Variants in MEGF10 observed in about 807,000 individuals in gnomAD.
The protein encoded by MEGF10 is multiple epidermal growth factor-like domains protein 10.
MEGF10 carries 86 observed loss-of-function variants against 147.5 expected under a neutral mutation model. The observed-to-expected ratio is 0.58, with a 90% CI of 0.49 to 0.70. The LOEUF (loss-of-function observed/expected upper bound fraction) is 0.70. Among genes scored for constraint, MEGF10 ranks in the 30% least tolerant of loss-of-function variants. MEGF10 has a pLI of 0.00. For synonymous variants in MEGF10, 478 were observed against 525.5 expected, an observed-to-expected ratio of 0.91 and a Z score of 1.24; for missense variants, 1,329 against 1,487.3, an observed-to-expected ratio of 0.89 and a Z score of 1.75.
rs149815630 is a variant in MEGF10, at chr5:127,346,299, G to A, written c.319+5669G>A. 1.9e-3 allele frequency among the ~76,000 whole-genome samples: 289 copies of A among 152,210 alleles called. 2 individuals are homozygous for A. Among genetic ancestry groups the A allele is most frequent in the African/African-American group, 6.6e-3 (274 of 41,552 alleles). ...AATCTCCACACCGTTTTCCATAGTGGTTGTACTAGTTTATGTTCCCACCAA... is the reference window on the plus strand; with the variant it reads ...AATCTCCACACCGTTTTCCATAGTGATTGTACTAGTTTATGTTCCCACCAA... On this transcript the variant is annotated intron_variant, in intron 4 of 24. Transcript: ENST00000503335.
chr5:127,396,048 G>A (rs1009276806), intron 5 of MEGF10, among the ~76,000 whole-genome samples: 2 of 152,058 alleles, frequency 1.3e-5, no homozygotes, highest in African/African-American at 2.4e-5. Context: ...TTCCACACAC[G>A]TAGGAGGAGG....
At chr5:127,351,941 G>T (rs1029583949) in intron 4 of MEGF10, among the ~76,000 whole-genome samples, 2 of 152,162 alleles carry the variant, frequency 1.3e-5, no homozygotes, top group African/African-American at 4.8e-5. Context: ...GACGGAATAG[G>T]TGGGAGAAAG....
At chr5:127,413,605 T>A (rs1764650821) in intron 9 of MEGF10, among the ~76,000 whole-genome samples, 1 of 152,194 alleles carries the variant, frequency 6.6e-6, no homozygotes, top group Admixed American at 6.5e-5. Flanking sequence ...ATGTGTATAA[T>A]CCTATTTTCA....
chr5:127,331,513 T>G, intron 2 of MEGF10, 89 bp downstream of exon 2: 1 of 750,620 alleles, frequency 1.3e-6, no homozygotes, highest in Non-Finnish European at 2.2e-6. Flanking sequence ...AAATTAGAAT[T>G]TGTGAAGAGA....
Position 127,457,981 on chromosome 5 carries a change from A to C in MEGF10, c.*663A>C, listed in dbSNP as rs1328954894. 2 of 152,276 alleles carry C rather than the reference A, an allele frequency of 1.3e-5. No individual in the cohort carries two copies. The highest frequency in any genetic ancestry group is 3.8e-4 in the East Asian group (2 of 5,200). 9.4% of individuals were successfully genotyped at this position (152,276 alleles called of 1,614,324 possible). On this transcript the variant is annotated 3_prime_UTR_variant, in exon 25 of 25. Coordinates refer to ENST00000503335, the MANE Select transcript of MEGF10 (RefSeq NM_001256545.2). ...CAATTAGAATTATTTTAGAAATAGT[A>C]GGAAGTATTGCAGAAGTCAATACAC...
chr5:127,370,121 T>A lies in MEGF10; in HGVS notation c.412+119T>A, dbSNP rs1483108573. 3 of 625,698 alleles carry A rather than the reference T, an allele frequency of 4.8e-6. No individual in the cohort carries two copies. The African/African-American group carries it at 5.5e-5, about 12-fold the overall frequency. The allele number at this position is 625,698 out of a possible 1,614,324, so 38.8% of individuals were successfully genotyped here. ...ATCCCTACACAGAGCATAGTGTAAA[T>A]GCCACGACCAACTCAGTCATACAGT... On this transcript the variant is annotated intron_variant, in intron 5 of 24. Transcript: ENST00000503335.
rs550293149 is a variant in MEGF10 at position 127,351,703 on chromosome 5, G to A, written c.319+11073G>A. On this transcript the variant is annotated intron_variant, in intron 4 of 24. Transcript: ENST00000503335. ...CACCATCTCTTTGTCACATGCTCTC[G>A]CCAAGCTACAAGGGCATCTTTATTC... Among the ~76,000 whole-genome samples the A allele has an allele frequency of 6.6e-5, 10 of 152,232 alleles. No homozygotes were observed. The East Asian group carries it at 7.7e-4, about 12-fold the overall frequency.
chr5:127,312,524 T>G (rs1432838947), intron 1 of MEGF10, among the ~76,000 whole-genome samples: 1 of 152,212 alleles, frequency 6.6e-6, no homozygotes, highest in Admixed American at 6.5e-5. Context: ...GAGTTTTGAA[T>G]TGGGCATACT....
At chr5:127,445,786 T>C (rs948196305) in intron 20 of MEGF10, 93 bp downstream of exon 20, 3 of 884,140 alleles carry the variant, frequency 3.4e-6, no homozygotes, top group Admixed American at 1.8e-5. Flanking sequence ...TGCTGTCCAT[T>C]GTTTCTGTCA....
At chr5:127,286,390 T>C (rs1008484854), upstream of MEGF10, among the ~76,000 whole-genome samples, 4 of 152,080 alleles carry the variant, frequency 2.6e-5, no homozygotes, top group Non-Finnish European at 5.9e-5. Flanking sequence ...ACATACTCTA[T>C]GCATGTAACA....
At position 127,449,176 on chromosome 5, in the gene MEGF10, G is replaced by A. The variant is rs764974065; in HGVS notation, c.2934G>A (p.Gly978=). The A allele has an allele frequency of 1.2e-6, 2 of 1,614,078 alleles. No individual in the cohort carries two copies. Among genetic ancestry groups the A allele is most frequent in the South Asian group, 1.1e-5 (1 of 91,062 alleles). Residue 978 remains glycine (G), a synonymous_variant, in exon 22 of 25, where the codon GGG becomes GGA. Transcript: ENST00000503335. ...GAGGCCCTGTGGGGGACTGCACTGG[G>A]ACATTGCCGGCTGACTGGAAACATG... ...GKRGPVGDCT[G]TLPADWKHGG... is the part of the protein sequence containing the mutation.
At chr5:127,342,968 C>T (rs1325717809) in intron 4 of MEGF10, among the ~76,000 whole-genome samples, 1 of 151,878 alleles carries the variant, frequency 6.6e-6, no homozygotes, top group South Asian at 2.1e-4. Flanking sequence ...TCATTGCTTC[C>T]CCACACCCCC....
chr5:127,413,199 T>C (rs1764637749), intron 9 of MEGF10, among the ~76,000 whole-genome samples: 1 of 152,218 alleles, frequency 6.6e-6, no homozygotes, highest in African/African-American at 2.4e-5. Flanking sequence ...TATTTCAAAC[T>C]TTAGCAGTAT....
intron 4 of MEGF10, among the ~76,000 whole-genome samples, chr5:127,347,652 T>A (rs1005332342): frequency 1.3e-5 from 2 of 152,082 alleles, no homozygotes; most frequent in Non-Finnish European, 2.9e-5. Context: ...AATATGGACA[T>A]CCTAAGTGGA....
chr5:127,262,455 G>A, the MEGF10 span, among the ~76,000 whole-genome samples: 6 of 152,110 alleles, frequency 3.9e-5, no homozygotes, highest in East Asian at 7.7e-4. Context: ...TAGCCCCTGT[G>A]ATATAAGAGA....
At chr5:127,422,828 G>T (rs1281948592) in intron 13 of MEGF10, 56 bp downstream of exon 13, 2 of 1,287,628 alleles carry the variant, frequency 1.6e-6, no homozygotes, top group African/African-American at 2.9e-5. Context: ...AACACCTAGT[G>T]CTGTTCCTTA....
At chr5:127,388,332 A>G (rs1763511722) in intron 5 of MEGF10, among the ~76,000 whole-genome samples, 1 of 151,664 alleles carries the variant, frequency 6.6e-6, no homozygotes, top group Non-Finnish European at 1.5e-5. Flanking sequence ...CATCTTTTAT[A>G]GAGATGGGAT....
At chr5:127,362,257 A>G (rs1762493701) in intron 4 of MEGF10, among the ~76,000 whole-genome samples, 1 of 151,094 alleles carries the variant, frequency 6.6e-6, no homozygotes, top group South Asian at 2.1e-4. Flanking sequence ...ATCTCTAATA[A>G]TAGTCTTTGT....
At chr5:127,275,512 C>G in the MEGF10 span, among the ~76,000 whole-genome samples, 5 of 152,196 alleles carry the variant, frequency 3.3e-5, no homozygotes, top group African/African-American at 1.2e-4. Flanking sequence ...TTTAGGAGGC[C>G]CATGCTATGC....
Sources: allele counts gnomAD v4.1 joint callset (sites outside exome capture counted in the v4.1 genomes callset), GRCh38; gene constraint gnomAD v4.1.1; transcripts MANE v1.5; gene names NCBI Gene and HGNC (gene_info 2026-07-23, HGNC 2026-07-21).